LRRC37A2: variants seen among roughly 807,000 people sequenced by gnomAD.
LRRC37A2 encodes the protein leucine-rich repeat-containing protein 37A2.
In LRRC37A2, 9 loss-of-function variants were observed where a neutral mutation model predicts 68.8. The observed-to-expected ratio is 0.13, with a 90% confidence interval of 0.08 to 0.23. LRRC37A2 has a LOEUF of 0.23. Among genes scored for constraint, LRRC37A2 ranks in the 10% least tolerant of loss-of-function variants. The probability of loss-of-function intolerance (pLI) is 1.00; values close to 1 mark genes in which losing one functional copy is unlikely to be tolerated. For missense variants in LRRC37A2, 168 were observed against 950.4 expected, an observed-to-expected ratio of 0.18 and a Z score of 10.82; for synonymous variants, 63 against 367.6, an observed-to-expected ratio of 0.17 and a Z score of 9.48.
the LRRC37A2 span, among the ~76,000 whole-genome samples, chr17:46,893,249 A>G: frequency 6.6e-6 from 1 of 152,158 alleles, no homozygotes; most frequent in Admixed American, 6.5e-5. Flanking sequence ...AACTTTCTTA[A>G]GAAGTACCTG....
the LRRC37A2 span, among the ~76,000 whole-genome samples, chr17:46,838,311 G>A: frequency 4.7e-5 from 7 of 148,916 alleles, no homozygotes; most frequent in South Asian, 6.3e-4. Flanking sequence ...GAGATAGAAC[G>A]GGGCCTGCCT....
At chr17:47,035,707 C>CT in the LRRC37A2 span, among the ~76,000 whole-genome samples, 2 of 152,220 alleles carry the variant, frequency 1.3e-5, no homozygotes, top group African/African-American at 4.8e-5. Context: ...TATGGCAACT[C>CT]TTATGTTTAA....
the LRRC37A2 span, among the ~76,000 whole-genome samples, chr17:46,733,658 A>G: frequency 2.0e-5 from 3 of 152,194 alleles, no homozygotes; most frequent in Admixed American, 2.0e-4. Context: ...GGCCACTCAC[A>G]ACTGGCCAGG....
the LRRC37A2 span, among the ~76,000 whole-genome samples, chr17:46,797,182 T>C: frequency 6.6e-6 from 1 of 152,188 alleles, no homozygotes; most frequent in South Asian, 2.1e-4. Context: ...GTGGCGATTC[T>C]TAAGTTTATT....
chr17:47,007,464 C>T, the LRRC37A2 span, among the ~76,000 whole-genome samples: 1 of 152,212 alleles, frequency 6.6e-6, no homozygotes, highest in African/African-American at 2.4e-5. Context: ...AGGCGTGAGC[C>T]ACTGCGCCTG....
the LRRC37A2 span, among the ~76,000 whole-genome samples, chr17:46,844,468 G>T: frequency 5.3e-5 from 8 of 152,232 alleles, no homozygotes; most frequent in Non-Finnish European, 1.2e-4. Flanking sequence ...CTGTCTACCA[G>T]TCAGGACACA....
chr17:46,827,918 C>A, the LRRC37A2 span, among the ~76,000 whole-genome samples: 3 of 151,784 alleles, frequency 2.0e-5, no homozygotes, highest in African/African-American at 7.3e-5. Flanking sequence ...CACACCATTC[C>A]CCTGCCTCAG....
At chr17:46,853,861 G>C in the LRRC37A2 span, among the ~76,000 whole-genome samples, 1 of 152,154 alleles carries the variant, frequency 6.6e-6, no homozygotes, top group East Asian at 1.9e-4. Context: ...TGAGAGGAGA[G>C]GGGTTCCAGG....
chr17:46,896,444 AAGAAAGAAAAAG>A, the LRRC37A2 span, among the ~76,000 whole-genome samples: 9 of 91,080 alleles, frequency 9.9e-5, no homozygotes, highest in Admixed American at 7.3e-4. Flanking sequence ...GAAAGAAAGA[AAGAAAGAAAAAG>A]AAAGAAAGAA....
chr17:46,869,924 G>A, the LRRC37A2 span, among the ~76,000 whole-genome samples: 6 of 152,076 alleles, frequency 3.9e-5, no homozygotes, highest in East Asian at 3.9e-4. Context: ...GCTTGAACCC[G>A]GGAAGTGGAG....
the LRRC37A2 span, among the ~76,000 whole-genome samples, chr17:46,775,770 C>T: frequency 4.6e-5 from 7 of 151,864 alleles, no homozygotes; most frequent in African/African-American, 7.3e-5. Context: ...CCCACCACCA[C>T]GCCCGGCTAA....
At chr17:46,939,050 C>G in the LRRC37A2 span, 4 of 1,266,372 alleles carry the variant, frequency 3.2e-6, no homozygotes, top group Middle Eastern at 3.3e-4. Flanking sequence ...GCTTTGGTGG[C>G]TTTGTTCACA....
the LRRC37A2 span, among the ~76,000 whole-genome samples, chr17:46,824,518 G>A: frequency 6.6e-6 from 1 of 152,192 alleles, no homozygotes; most frequent in African/African-American, 2.4e-5. Context: ...CAAAGTGCTG[G>A]GATTACAGGC....
the LRRC37A2 span, among the ~76,000 whole-genome samples, chr17:47,004,468 A>G: frequency 1.3e-5 from 2 of 152,318 alleles, no homozygotes; most frequent in Middle Eastern, 6.8e-3. Context: ...CAGGGGTGGC[A>G]CTGCACAGTC....
the LRRC37A2 span, among the ~76,000 whole-genome samples, chr17:46,766,180 G>A: frequency 1.3e-5 from 2 of 152,134 alleles, no homozygotes; most frequent in African/African-American, 4.8e-5. Context: ...GGGCCAAGAC[G>A]GGTGGATCAC....
the LRRC37A2 span, among the ~76,000 whole-genome samples, chr17:46,816,998 G>A: frequency 6.6e-6 from 1 of 152,206 alleles, no homozygotes. Flanking sequence ...TGTGCTGGAA[G>A]CCTCAGGTTA....
the LRRC37A2 span, among the ~76,000 whole-genome samples, chr17:46,906,862 A>G: frequency 1.3e-5 from 2 of 152,164 alleles, no homozygotes; most frequent in African/African-American, 4.8e-5. Context: ...CAAAAATAAA[A>G]GCATTGCTTG....
At chr17:46,496,404 G>C in the LRRC37A2 span, among the ~76,000 whole-genome samples, 1 of 149,294 alleles carries the variant, frequency 6.7e-6, no homozygotes, top group Non-Finnish European at 1.5e-5. Flanking sequence ...AGGAGTTCGA[G>C]TCCAGACTGG....
chr17:47,029,224 G>C, the LRRC37A2 span, among the ~76,000 whole-genome samples: 3 of 151,610 alleles, frequency 2.0e-5, no homozygotes, highest in Admixed American at 2.0e-4. Context: ...AAGTGCTGGG[G>C]TTACAGGTGT....
Sources: allele counts gnomAD v4.1 joint callset (sites outside exome capture counted in the v4.1 genomes callset), GRCh38; gene constraint gnomAD v4.1.1; transcripts MANE v1.5; gene names NCBI Gene and HGNC (gene_info 2026-07-23, HGNC 2026-07-21).